ARHGAP15: variants seen among roughly 807,000 people sequenced by gnomAD.
The protein encoded by ARHGAP15 is Rho GTPase activating protein 15.
A neutral mutation model predicts 63.7 loss-of-function variants in ARHGAP15; 51 were observed. That is an observed-to-expected ratio of 0.80 (90% CI 0.64 to 1.01). The LOEUF is 1.01. Ranked by LOEUF, ARHGAP15 falls within the 50% of genes least tolerant of loss-of-function variation. The probability of loss-of-function intolerance (pLI) is 0.00; values close to 1 mark genes in which losing one functional copy is unlikely to be tolerated. For missense variants in ARHGAP15, 560 were observed against 564.6 expected (o/e 0.99, Z 0.08); for synonymous variants, 191 against 193.8 (o/e 0.99, Z 0.12).
chr2:143,613,539 G>A (rs1698340193), intron 11 of ARHGAP15, among the ~76,000 whole-genome samples: 1 of 152,130 alleles, frequency 6.6e-6, no homozygotes, highest in South Asian at 2.1e-4. Context: ...TCTCTGGTCA[G>A]ATAATCCAAA....
At chr2:143,633,882 A>T (rs377385801) in intron 12 of ARHGAP15, among the ~76,000 whole-genome samples, 2 of 152,010 alleles carry the variant, frequency 1.3e-5, no homozygotes, top group East Asian at 3.9e-4. Context: ...TGTGATCACC[A>T]CTGATGAGTC....
At chr2:143,260,614 C>T (rs952789146) in intron 6 of ARHGAP15, among the ~76,000 whole-genome samples, 1 of 152,068 alleles carries the variant, frequency 6.6e-6, no homozygotes. Context: ...GAATTATATA[C>T]TGAATTAATA....
intron 13 of ARHGAP15, chr2:143,767,035 C>T (rs2072945552): frequency 6.6e-6 from 1 of 152,180 alleles, no homozygotes; most frequent in Admixed American, 6.5e-5. Flanking sequence ...GCTTTATTTT[C>T]TACACTCTTA....
chr2:143,394,970 T>C (rs17824247), intron 6 of ARHGAP15, among the ~76,000 whole-genome samples: 54,661 of 151,924 alleles, frequency 0.36, 10,242 homozygotes, highest in Middle Eastern at 0.44. Flanking sequence ...GAGGATACAG[T>C]GAAGAAGGCA....
chr2:143,407,852 C>T (rs943442270), intron 6 of ARHGAP15, among the ~76,000 whole-genome samples: 4 of 149,912 alleles, frequency 2.7e-5, no homozygotes, highest in African/African-American at 9.8e-5. Flanking sequence ...TTTCCTTTAC[C>T]ATTTGCATTT....
rs562408123 is a variant in ARHGAP15, at chr2:143,504,769, G to A, written c.827-14497G>A. On this transcript the variant is annotated intron_variant, in intron 9 of 13. Coordinates refer to ENST00000295095, the MANE Select transcript of ARHGAP15 (RefSeq NM_018460.4). ...ACTACCCACAAGCTGCCTGAAGAAG[G>A]CACCTTACCTTGGCTGTGCAGCCAG... Among the ~76,000 whole-genome samples, 8 of 152,204 alleles carry A rather than the reference G, an allele frequency of 5.3e-5. No individual in the cohort carries two copies. The East Asian group carries it at 1.5e-3, about 29-fold the overall frequency.
chr2:143,447,131 G>T (rs1690179613), intron 8 of ARHGAP15, among the ~76,000 whole-genome samples: 1 of 152,072 alleles, frequency 6.6e-6, no homozygotes, highest in South Asian at 2.1e-4. Flanking sequence ...ATAGTCCTTT[G>T]GGTATATACC....
At chr2:143,410,558 A>G (rs1184433111) in intron 6 of ARHGAP15, among the ~76,000 whole-genome samples, 1 of 152,216 alleles carries the variant, frequency 6.6e-6, no homozygotes, top group Admixed American at 6.5e-5. Context: ...ACAGAGTGGT[A>G]TACATATGTG....
intron 8 of ARHGAP15, among the ~76,000 whole-genome samples, chr2:143,472,202 C>T (rs1322578138): frequency 6.6e-6 from 1 of 151,960 alleles, no homozygotes; most frequent in Non-Finnish European, 1.5e-5. Context: ...CAAATCAGAC[C>T]TCCTGCCATT....
chr2:143,557,508 A>AT (rs1227385806), intron 11 of ARHGAP15, among the ~76,000 whole-genome samples: 1 of 152,004 alleles, frequency 6.6e-6, no homozygotes, highest in Non-Finnish European at 1.5e-5. Context: ...AGCACAGGGG[A>AT]TTTTGAGGGC....
intron 6 of ARHGAP15, among the ~76,000 whole-genome samples, chr2:143,411,397 A>T (rs2105023482): frequency 6.6e-6 from 1 of 151,954 alleles, no homozygotes; most frequent in East Asian, 1.9e-4. Flanking sequence ...CTGTTTGGAG[A>T]TATGCACATT....
At chr2:143,757,460 G>A (rs149662452) in intron 13 of ARHGAP15, among the ~76,000 whole-genome samples, 45 of 152,148 alleles carry the variant, frequency 3.0e-4, no homozygotes, top group African/African-American at 9.4e-4. Context: ...TCATTGAGCC[G>A]AGACAATGCG....
intron 6 of ARHGAP15, among the ~76,000 whole-genome samples, chr2:143,350,624 C>G (rs925313956): frequency 2.7e-5 from 4 of 149,272 alleles, no homozygotes; most frequent in African/African-American, 9.9e-5. Context: ...TCGAGACCAT[C>G]CTGGCTAACA....
intron 5 of ARHGAP15, among the ~76,000 whole-genome samples, chr2:143,230,908 G>A (rs10172663): frequency 0.52 from 78,956 of 151,936 alleles, 20,954 homozygotes; most frequent in East Asian, 0.83. Context: ...TCCTCCTAGG[G>A]GTCAAGACAA....
intron 13 of ARHGAP15, among the ~76,000 whole-genome samples, chr2:143,737,991 C>T (rs887961736): frequency 1.3e-5 from 2 of 152,086 alleles, no homozygotes; most frequent in Non-Finnish European, 2.9e-5. Flanking sequence ...CTCCTGACCT[C>T]AGGTGATCTG....
rs556640429 is a variant in ARHGAP15, at chr2:143,565,728, G to C, written c.1003+9243G>C. Among the ~76,000 whole-genome samples the C allele has an allele frequency of 8.4e-4, 128 of 152,156 alleles. 1 individual carries two copies. Among genetic ancestry groups the C allele is most frequent in the Admixed American group, 2.0e-3 (30 of 15,282 alleles). On this transcript the variant is annotated intron_variant, in intron 11 of 13. Coordinates refer to ENST00000295095, the MANE Select transcript of ARHGAP15 (RefSeq NM_018460.4). ...TTACTGTCCCTCAACATGGTATCTT[G>C]TTAGTAATTGAACATGTCAGTCATG...
intron 5 of ARHGAP15, among the ~76,000 whole-genome samples, chr2:143,241,442 G>C (rs1485832215): frequency 1.3e-5 from 2 of 152,174 alleles, no homozygotes; most frequent in Admixed American, 1.3e-4. Flanking sequence ...AATCTTAATT[G>C]TATTTATCGT....
intron 11 of ARHGAP15, chr2:143,593,296 A>G (rs554370712): frequency 6.6e-6 from 1 of 152,194 alleles, no homozygotes; most frequent in South Asian, 2.1e-4. Flanking sequence ...TTCCTTAGCA[A>G]TGAACCTGTA....
chr2:143,569,418 T>C (rs1696366968), intron 11 of ARHGAP15, among the ~76,000 whole-genome samples: 2 of 152,154 alleles, frequency 1.3e-5, no homozygotes, highest in Non-Finnish European at 2.9e-5. Flanking sequence ...GAGGTGGCCC[T>C]TGATTAGATG....
Sources: gnomAD v4.1 joint callset for allele counts (sites outside exome capture counted in the v4.1 genomes callset) on GRCh38, gnomAD v4.1.1 for gene constraint, MANE v1.5 for transcripts, NCBI Gene and HGNC (gene_info 2026-07-23, HGNC 2026-07-21) for gene names.